Variants in GRM4 observed in about 807,000 individuals in gnomAD.
GRM4 encodes glutamate metabotropic receptor 4.
In GRM4, 28 loss-of-function variants were observed where a neutral mutation model predicts 81.7. The observed-to-expected ratio is 0.34, with a 90% CI of 0.25 to 0.47. The LOEUF is 0.47. Among genes scored for constraint, GRM4 ranks in the 20% least tolerant of loss-of-function variants. The pLI, the probability that GRM4 is intolerant of heterozygous loss-of-function variation, is 1.00. For missense variants in GRM4, 948 were observed against 1,290.0 expected, an observed-to-expected ratio of 0.73 and a Z score of 4.06; for synonymous variants, 488 against 528.8, an observed-to-expected ratio of 0.92 and a Z score of 1.06.
At chr6:34,096,049 G>A (rs1768502406) in intron 2 of GRM4, among the ~76,000 whole-genome samples, 1 of 152,212 alleles carries the variant, frequency 6.6e-6, no homozygotes. Flanking sequence ...AGGGGAGGGA[G>A]GGAATGGTGC....
At chr6:34,037,513 T>C (rs1764772082) in intron 8 of GRM4, among the ~76,000 whole-genome samples, 1 of 152,152 alleles carries the variant, frequency 6.6e-6, no homozygotes, top group South Asian at 2.1e-4. Flanking sequence ...TTGCACTGGG[T>C]GCTACCTCCT....
intron 6 of GRM4, among the ~76,000 whole-genome samples, chr6:34,045,827 C>G (rs1765336820): frequency 6.6e-6 from 1 of 150,832 alleles, no homozygotes; most frequent in Non-Finnish European, 1.5e-5. Flanking sequence ...GAGACAAATT[C>G]CAGACACATG....
intron 3 of GRM4, among the ~76,000 whole-genome samples, chr6:34,073,478 C>G (rs1004102412): frequency 2.0e-5 from 3 of 151,270 alleles, no homozygotes; most frequent in Non-Finnish European, 2.9e-5. Context: ...TCACCATACA[C>G]AGTCAGATAC....
chr6:34,146,293 G>T (rs1581744489), upstream of GRM4, among the ~76,000 whole-genome samples: 4 of 152,130 alleles, frequency 2.6e-5, no homozygotes, highest in Admixed American at 2.6e-4. Context: ...CTGTCCAGGG[G>T]ACACTTTCCA....
chr6:34,039,538 G>A (rs866922540), intron 8 of GRM4, among the ~76,000 whole-genome samples: 4 of 152,168 alleles, frequency 2.6e-5, no homozygotes, highest in Non-Finnish European at 5.9e-5. Context: ...CTTTCTCTCC[G>A]AAAACACTGC....
In GRM4 at chr6:34,040,329, G is replaced by A. The variant is rs13207952; in HGVS notation, c.1370-15C>T. ...CCCTGCGATGCCTGTAAGGGTGGGC[G>A]GGTGTCTTTGCAGAGCCTTTACCCA... On this transcript the variant is annotated splice_polypyrimidine_tract_variant and intron_variant, in intron 7 of 10. Coordinates refer to ENST00000538487, the MANE Select transcript of GRM4 (RefSeq NM_000841.4). 11,938 of 1,612,974 alleles carry A rather than the reference G, an allele frequency of 7.4e-3. 96 individuals are homozygous for A. Among genetic ancestry groups the A allele is most frequent in the African/African-American group, 0.033 (2,504 of 75,028 alleles).
chr6:34,091,951 G>A lies in GRM4; in HGVS notation c.668C>T (p.Thr223Ile), dbSNP rs1768247375. Reference protein sequence around the residue: ...VRALKWNYVSTVASEGSYGES... With the variant: ...VRALKWNYVSIVASEGSYGES... The stretch of plus-strand genomic sequence containing the variant: ...ACCATAGCTGCCCTCCGAGGCCACT[G>A]TGGACACATAGTTCCACTTGAGGGC... The change falls in exon 3 of 11, where the codon ACA (threonine) becomes ATA (isoleucine). Residue 223 changes from threonine to isoleucine, a missense_variant. Coordinates refer to ENST00000538487, the MANE Select transcript of GRM4 (RefSeq NM_000841.4). 10 of 1,614,138 alleles carry A rather than the reference G, an allele frequency of 6.2e-6. No homozygotes were observed. Among genetic ancestry groups the A allele is most frequent in the African/African-American group, 1.3e-5 (1 of 75,070 alleles).
chr6:34,073,418 C>CCA (rs540796389), intron 3 of GRM4, among the ~76,000 whole-genome samples: 2,649 of 146,458 alleles, frequency 0.018, 65 homozygotes, highest in East Asian at 0.086. Flanking sequence ...CACATACACA[C>CCA]CACACACACA....
chr6:34,036,002 G>T lies in GRM4; in HGVS notation c.2108C>A (p.Thr703Asn). The T allele has an allele frequency of 6.2e-7, 1 of 1,614,042 alleles. No individual in the cohort carries two copies. Among genetic ancestry groups the T allele is most frequent in the Non-Finnish European group, 8.5e-7 (1 of 1,179,952 alleles). ...CAGCTGCAGCGAGATGAGGCTGAAG[G>T]TGATGGCCAGCTGTGAGGCGGGGCT... is the stretch of plus-strand genomic sequence containing the variant. ...FISPASQLAI[T>N]FSLISLQLLG... Residue 703 changes from threonine (T) to asparagine (N), a missense_variant, in exon 9 of 11, where the codon ACC (threonine) becomes AAC (asparagine). Transcript: ENST00000538487. This position sits in a 1 kb window ranked among gnomAD's most constrained non-coding sequence, Gnocchi z 9.0.
In GRM4 at chr6:34,133,388, G is replaced by T; in HGVS notation, c.109C>A (p.His37Asn). 1.2e-6 allele frequency: 2 copies of T among 1,613,800 alleles called. No individual in the cohort carries two copies. Among genetic ancestry groups the T allele is most frequent in the Non-Finnish European group, 1.7e-6 (2 of 1,179,932 alleles). The change falls in exon 2 of 11, where the codon CAC (histidine) becomes AAC (asparagine). Residue 37 changes from histidine (H) to asparagine (N), a missense_variant. Coordinates refer to ENST00000538487, the MANE Select transcript of GRM4 (RefSeq NM_000841.4). This position sits in a 1 kb window ranked among gnomAD's most constrained non-coding sequence, Gnocchi z 6.5. Reference protein sequence around the residue: ...MPSSLGKPKGHPHMNSIRIDG... With the variant: ...MPSSLGKPKGNPHMNSIRIDG... ...ATGCGGATGGAATTCATGTGAGGGT[G>T]GCCTTTGGGCTTTCCCAGGGAGGAA...
intron 2 of GRM4, among the ~76,000 whole-genome samples, chr6:34,094,605 C>A (rs1768411353): frequency 6.6e-6 from 1 of 152,220 alleles, no homozygotes; most frequent in Admixed American, 6.5e-5. Flanking sequence ...ACTCTTCACA[C>A]TGTGCAGGGG....
intron 6 of GRM4, among the ~76,000 whole-genome samples, chr6:34,051,239 A>G (rs1765594650): frequency 6.6e-6 from 1 of 152,234 alleles, no homozygotes; most frequent in Non-Finnish European, 1.5e-5. Flanking sequence ...GACTCTGGGC[A>G]AGTCCCTAAC....
chr6:34,040,470 C>T (rs1433908753), intron 7 of GRM4, 78 bp downstream of exon 7: 13 of 1,460,240 alleles, frequency 8.9e-6, no homozygotes, highest in Middle Eastern at 1.9e-4. Flanking sequence ...ATTCCCACCC[C>T]ACAGAGCCTA....
chr6:34,036,183 T>C lies in GRM4; in HGVS notation c.1927A>G (p.Met643Val), dbSNP rs1466927267. ...GTGCCAAGGTCGGGCTCAGCGATCA[T>C]GAGGAAGGTGGTGGCATAGCACAGG... ...IFLCYATTFL[M>V]IAEPDLGTCS... The change falls in exon 9 of 11, where the codon ATG becomes GTG. Residue 643 changes from methionine to valine, a missense_variant. By Grantham distance (21) the Met-to-Val change is conservative (BLOSUM62 1). Transcript: ENST00000538487. The surrounding 1 kb of genome is among the most constrained non-coding windows in gnomAD (Gnocchi z 9.0). 1 of 1,614,144 alleles carries C rather than the reference T, an allele frequency of 6.2e-7. No individual in the cohort carries two copies. The highest frequency in any genetic ancestry group is 1.7e-5 in the Admixed American group (1 of 60,030).
At chr6:34,143,816 C>T (rs982860261) in intron 1 of GRM4, among the ~76,000 whole-genome samples, 1 of 152,164 alleles carries the variant, frequency 6.6e-6, no homozygotes, top group East Asian at 1.9e-4. Flanking sequence ...CGTATGGAGA[C>T]CCTGGGAGCA....
intron 7 of GRM4, 60 bp downstream of exon 7, chr6:34,040,488 C>A: frequency 6.6e-7 from 1 of 1,506,302 alleles, no homozygotes; most frequent in East Asian, 2.3e-5. Flanking sequence ...CTAAGGGCCC[C>A]TCCCCTCGGG....
intron 2 of GRM4, among the ~76,000 whole-genome samples, chr6:34,125,401 G>A (rs1447162940): frequency 2.0e-5 from 3 of 152,060 alleles, no homozygotes; most frequent in African/African-American, 7.2e-5. Flanking sequence ...GGCGCTCCCT[G>A]GAGAAGAAAA....
chr6:34,102,073 T>C lies in GRM4; in HGVS notation c.520-9974A>G, dbSNP rs1167148377. On this transcript the variant is annotated intron_variant, in intron 2 of 10. Coordinates refer to ENST00000538487, the MANE Select transcript of GRM4 (RefSeq NM_000841.4). Reference sequence around the variant, plus strand: ...CTGAAGTCCTAAGGGTCCTCTTTTTTCTCTTGGCGCCATCATGGGGAAATA... The same window carrying C: ...CTGAAGTCCTAAGGGTCCTCTTTTTCCTCTTGGCGCCATCATGGGGAAATA... 2.6e-6 allele frequency: 4 copies of C among 1,535,494 alleles called. No homozygotes were observed. The African/African-American group carries it at 4.1e-5, about 16-fold the overall frequency.
rs1021318300 is a variant in GRM4, at chr6:34,141,953, A to G, written c.-364+4047T>C. Among the ~76,000 whole-genome samples, 14 of 152,354 alleles carry G rather than the reference A, an allele frequency of 9.2e-5. No individual in the cohort carries two copies. The East Asian group carries it at 2.7e-3, about 29-fold the overall frequency. Reference sequence around the variant, plus strand: ...GAGAGTACACAGAGAGAGGAGAGACATAAACAGCTCGCAGGACCAAGAAAA... The same window carrying G: ...GAGAGTACACAGAGAGAGGAGAGACGTAAACAGCTCGCAGGACCAAGAAAA... On this transcript the variant is annotated intron_variant, in intron 1 of 10. Transcript: ENST00000538487.
Sources: gnomAD v4.1 joint callset for allele counts (sites outside exome capture counted in the v4.1 genomes callset) on GRCh38, gnomAD v4.1.1 for gene constraint, Gnocchi (gnomAD v3.1) non-coding constraint, MANE v1.5 for transcripts, NCBI Gene and HGNC (gene_info 2026-07-23, HGNC 2026-07-21) for gene names.